TET1: variants seen among roughly 807,000 people sequenced by gnomAD.
TET1 encodes methylcytosine dioxygenase TET1.
In TET1, 13 loss-of-function variants were observed where a neutral mutation model predicts 148.7. The observed-to-expected ratio is 0.09, with a 90% CI of 0.06 to 0.14. The LOEUF (loss-of-function observed/expected upper bound fraction) is 0.14, where lower values mean the gene tolerates loss of function less well. Ranked by LOEUF, TET1 falls within the 10% of genes least tolerant of loss-of-function variation. TET1 has a pLI of 1.00. For synonymous variants in TET1, 907 were observed against 937.2 expected, an observed-to-expected ratio of 0.97 and a Z score of 0.59; for missense variants, 2,182 against 2,553.8, an observed-to-expected ratio of 0.85 and a Z score of 3.14.
chr10:68,682,391 C>T (rs1447304465), intron 9 of TET1, among the ~76,000 whole-genome samples: 5 of 152,188 alleles, frequency 3.3e-5, no homozygotes, highest in African/African-American at 4.8e-5. Context: ...GGATTACAGG[C>T]ATTAGCCACC....
chr10:68,605,526 T>C (rs1000281572), intron 3 of TET1, among the ~76,000 whole-genome samples: 2 of 152,188 alleles, frequency 1.3e-5, no homozygotes, highest in African/African-American at 4.8e-5. Context: ...ATTTACTTAT[T>C]TATTTGAGAC....
chr10:68,616,527 G>A (rs1043648803), intron 3 of TET1, among the ~76,000 whole-genome samples: 4 of 151,952 alleles, frequency 2.6e-5, no homozygotes, highest in Non-Finnish European at 4.4e-5. Context: ...TTGTAATTAA[G>A]CAATCTTTTG....
intron 6 of TET1, among the ~76,000 whole-genome samples, chr10:68,659,507 T>TG (rs1390313926): frequency 6.6e-6 from 1 of 152,032 alleles, no homozygotes. Context: ...TTAGTAGAGG[T>TG]GGGGTTTCAC....
chr10:68,561,279 A>G (rs1197455881), intron 1 of TET1, among the ~76,000 whole-genome samples: 1 of 151,944 alleles, frequency 6.6e-6, no homozygotes, highest in Non-Finnish European at 1.5e-5. Context: ...TATGAGAGAC[A>G]GGTTGGTAGG....
Position 68,637,629 on chromosome 10 carries a change from G to C in TET1, c.1969-7069G>C, listed in dbSNP as rs551278381. Among the ~76,000 whole-genome samples, 9 of 149,066 alleles carry C rather than the reference G, an allele frequency of 6.0e-5. No homozygotes were observed. The East Asian group carries it at 1.8e-3, about 31-fold the overall frequency. On this transcript the variant is annotated intron_variant, in intron 3 of 11. Coordinates refer to ENST00000373644, the MANE Select transcript of TET1 (RefSeq NM_030625.3). ...CAACCTCTGCCTTCCAGGTTCAAGA[G>C]ATCTCGTGGTCGGGCACAGTGGCTC...
chr10:68,665,651 G>A (rs2055187277), intron 6 of TET1, among the ~76,000 whole-genome samples: 1 of 151,978 alleles, frequency 6.6e-6, no homozygotes, highest in African/African-American at 2.4e-5. Context: ...TAAATTCATT[G>A]TTAATTTTGA....
chr10:68,657,787 G>T (rs916166145), intron 6 of TET1, among the ~76,000 whole-genome samples: 2 of 150,994 alleles, frequency 1.3e-5, no homozygotes, highest in African/African-American at 4.9e-5. Flanking sequence ...TAAACTTTAG[G>T]TAGAGGTTGA....
chr10:68,673,935 C>CTTTTTCT (rs2055310544), intron 8 of TET1, among the ~76,000 whole-genome samples: 1 of 120,288 alleles, frequency 8.3e-6, no homozygotes, highest in Admixed American at 9.1e-5. Flanking sequence ...CTTTCTTTTT[C>CTTTTTCT]TTTTTTTTTT....
In TET1 at chr10:68,651,947, A is replaced by T; in HGVS notation, c.4367+11A>T. The T allele has an allele frequency of 6.2e-7, 1 of 1,607,688 alleles. No homozygotes were observed. Among genetic ancestry groups the T allele is most frequent in the Non-Finnish European group, 8.5e-7 (1 of 1,175,474 alleles). On this transcript the variant is annotated intron_variant, in intron 5 of 11. Transcript: ENST00000373644. ...AATCATGGAGAATAGGTGAGGAAAT[A>T]CGCTTCCCTGTTAAAATCATTCTTA...
rs369831712 is a variant in TET1, at chr10:68,648,887, A to G, written c.4276+1882A>G. On this transcript the variant is annotated intron_variant, in intron 4 of 11. Coordinates refer to ENST00000373644, the MANE Select transcript of TET1 (RefSeq NM_030625.3). ...CTCAGCTTCCTAAAGTGCTGGGATT[A>G]CAGACATGAACCACCACACCAGCTA... 1.4e-4 allele frequency among the ~76,000 whole-genome samples: 22 copies of G among 152,312 alleles called. 1 individual carries two copies. In the East Asian group the frequency reaches 2.1e-3, roughly 15 times the overall value.
At chr10:68,591,645 G>A (rs1384217561) in intron 2 of TET1, among the ~76,000 whole-genome samples, 1 of 152,156 alleles carries the variant, frequency 6.6e-6, no homozygotes, top group Non-Finnish European at 1.5e-5. Context: ...GCTCACACCT[G>A]TAATCCCAGC....
Position 68,597,030 on chromosome 10 carries a change from A to ATTTTTTTTTTTTTTTTTTT in TET1, c.1915-3948_1915-3930dup, listed in dbSNP as rs553591899. Among the ~76,000 whole-genome samples the ATTTTTTTTTTTTTTTTTTT allele has an allele frequency of 2.4e-3, 242 of 98,810 alleles. 21 individuals carry two copies. The highest frequency in any genetic ancestry group is 2.9e-3 in the African/African-American group (66 of 22,566). The allele number at this position is 98,810 out of a possible 152,430, so 64.8% of individuals were successfully genotyped here. On this transcript the variant is annotated intron_variant, in intron 2 of 11. Transcript: ENST00000373644. ...ATTTTCATGATCACACAGCTAATGGATTTTTTTTTTTTTTTTTTTTTGAGA... is the reference window on the plus strand; with the variant it reads ...ATTTTCATGATCACACAGCTAATGGATTTTTTTTTTTTTTTTTTTTTTTTTTTTTTTTTTTTTTTTGAGA...
Position 68,633,519 on chromosome 10 carries a change from C to T in TET1, c.1969-11179C>T, listed in dbSNP as rs554954067. On this transcript the variant is annotated intron_variant, in intron 3 of 11. Transcript: ENST00000373644. ...ACTTTAGCCTCCTGAGTAGCTGGGA[C>T]GGCAGGCATGCATCACCATGCCTGG... Among the ~76,000 whole-genome samples the T allele has an allele frequency of 1.3e-3, 201 of 152,092 alleles. 1 individual carries two copies. The highest frequency in any genetic ancestry group is 0.01 in the Middle Eastern group (3 of 294).
intron 2 of TET1, among the ~76,000 whole-genome samples, chr10:68,585,735 G>T (rs1416432348): frequency 5.3e-5 from 8 of 151,956 alleles, no homozygotes; most frequent in Admixed American, 2.6e-4. Context: ...TTTGGGCCGG[G>T]CACGGTGGCG....
intron 3 of TET1, among the ~76,000 whole-genome samples, chr10:68,639,839 G>A (rs1413868522): frequency 6.6e-6 from 1 of 152,180 alleles, no homozygotes; most frequent in Non-Finnish European, 1.5e-5. Flanking sequence ...AATTCTCAGT[G>A]TTCTTGGATA....
rs115725090 is a variant in TET1 at position 68,662,396 on chromosome 10, T to A, written c.4462-4649T>A. On this transcript the variant is annotated intron_variant, in intron 6 of 11. Coordinates refer to ENST00000373644, the MANE Select transcript of TET1 (RefSeq NM_030625.3). ...TGTACATCTAAGGTGAAAGTTGACA[T>A]CATGATTCAATTTGCATTGTAACTA... is the stretch of plus-strand genomic sequence containing the variant. 4.6e-3 allele frequency among the ~76,000 whole-genome samples: 707 copies of A among 152,324 alleles called. 3 individuals are homozygous for A. Among genetic ancestry groups the A allele is most frequent in the African/African-American group, 0.016 (673 of 41,596 alleles).
At chr10:68,648,603 A>G (rs576919885) in intron 4 of TET1, among the ~76,000 whole-genome samples, 1 of 152,338 alleles carries the variant, frequency 6.6e-6, no homozygotes, top group East Asian at 1.9e-4. Flanking sequence ...TTTTTATTAG[A>G]AGCAGGTGGT....
Position 68,573,550 on chromosome 10 carries a change from C to A in TET1, c.1212C>A (p.Val404=), listed in dbSNP as rs774234307. ...CAGAGATTCCTGGTGCTATTCCAGT[C>A]CAAGGAGAGGTCTTTGGTACTATTT... ...DLPEIPGAIP[V]QGEVFGTILD... is the part of the protein sequence containing the mutation. The change falls in exon 2 of 12, where the codon GTC becomes GTA. Residue 404 remains valine, a synonymous_variant. Coordinates refer to ENST00000373644, the MANE Select transcript of TET1 (RefSeq NM_030625.3). 2 of 1,614,144 alleles carry A rather than the reference C, an allele frequency of 1.2e-6. No individual in the cohort carries two copies. The highest frequency in any genetic ancestry group is 1.7e-5 in the Admixed American group (1 of 60,018).
rs748621308 is a variant in TET1, at chr10:68,682,871, T to A, written c.4950T>A (p.Leu1650=). Residue 1650 remains leucine (L), a synonymous_variant, in exon 10 of 12, where the codon CTT becomes CTA. Transcript: ENST00000373644. ...AAAATGTTGCCCGAGAATGTCGGCT[T>A]GGCAGCAAGGAAGGTCGTCCCTTCT... is the stretch of plus-strand genomic sequence containing the variant. The part of the protein sequence containing the change: ...EYENVARECR[L]GSKEGRPFSG... The A allele has an allele frequency of 6.2e-7, 1 of 1,613,920 alleles. No homozygotes were observed. Among genetic ancestry groups the A allele is most frequent in the Non-Finnish European group, 8.5e-7 (1 of 1,179,966 alleles).
Sources: gnomAD v4.1 joint callset for allele counts (sites outside exome capture counted in the v4.1 genomes callset) on GRCh38, gnomAD v4.1.1 for gene constraint, MANE v1.5 for transcripts, NCBI Gene and HGNC (gene_info 2026-07-23, HGNC 2026-07-21) for gene names.